GNG10: variants seen among roughly 807,000 people sequenced by gnomAD.
GNG10 encodes the protein guanine nucleotide-binding protein G(I)/G(S)/G(O) subunit gamma-10.
A neutral mutation model predicts 6.8 loss-of-function variants in GNG10; 7 were observed. The observed-to-expected ratio is 1.02, with a 90% CI of 0.58 to 1.92. The LOEUF (loss-of-function observed/expected upper bound fraction) is 1.92, where lower values mean the gene tolerates loss of function less well. GNG10 is among the 30% of genes most tolerant of loss of function. The pLI is 0.00. For synonymous variants in GNG10, 28 were observed against 34.8 expected (o/e 0.80, Z 0.69); for missense variants, 57 against 86.1 (o/e 0.66, Z 1.34).
At chr9:111,664,463 G>C (rs1004948877) in intron 1 of GNG10, among the ~76,000 whole-genome samples, 2 of 152,118 alleles carry the variant, frequency 1.3e-5, no homozygotes, top group African/African-American at 2.4e-5. Flanking sequence ...ATATAATAGA[G>C]GACATCCCTT....
intron 1 of GNG10, among the ~76,000 whole-genome samples, chr9:111,663,030 G>C (rs1184415546): frequency 6.6e-5 from 10 of 152,108 alleles, no homozygotes; most frequent in Non-Finnish European, 1.2e-4. Context: ...GCTACGGGGG[G>C]GTGGGGGATT....
intron 2 of GNG10, among the ~76,000 whole-genome samples, chr9:111,667,645 G>T (rs1830925549): frequency 6.6e-6 from 1 of 152,176 alleles, no homozygotes; most frequent in African/African-American, 2.4e-5. Flanking sequence ...ACTCCCCAGA[G>T]TGGGAGATGT....
chr9:111,662,955 C>A (rs1374661609), intron 1 of GNG10, among the ~76,000 whole-genome samples: 1 of 150,876 alleles, frequency 6.6e-6, no homozygotes, highest in African/African-American at 2.4e-5. Context: ...GAGGAAGTAA[C>A]AAATTATATT....
intron 1 of GNG10, among the ~76,000 whole-genome samples, chr9:111,664,911 A>T (rs138519643): frequency 6.6e-6 from 1 of 152,332 alleles, no homozygotes; most frequent in East Asian, 1.9e-4. Context: ...ACTGGTATAT[A>T]TAACCATTAA....
chr9:111,664,213 G>A lies in GNG10; in HGVS notation c.81+2498G>A, dbSNP rs192603715. Among the ~76,000 whole-genome samples the A allele has an allele frequency of 6.7e-3, 1,026 of 152,176 alleles. 6 individuals carry two copies. The highest frequency in any genetic ancestry group is 0.01 in the Middle Eastern group (3 of 294). ...TAATTCAGGTGAATTGCCTGAGCTCGCAGTAAGCTTATTTACAAATAGGAT... is the reference window on the plus strand; with the variant it reads ...TAATTCAGGTGAATTGCCTGAGCTCACAGTAAGCTTATTTACAAATAGGAT... On this transcript the variant is annotated intron_variant, in intron 1 of 2. Transcript: ENST00000374293.
In GNG10 at chr9:111,661,886, G is replaced by A. The variant is rs1382535232; in HGVS notation, c.81+171G>A. 1.3e-5 allele frequency among the ~76,000 whole-genome samples: 2 copies of A among 151,408 alleles called. No homozygotes were observed. Among genetic ancestry groups the A allele is most frequent in the African/African-American group, 4.8e-5 (2 of 41,338 alleles). ...GAGGGAGGGCGCGGGGCAAGCCGGG[G>A]GCCCGGGCCTGACGGGAGGAAGCCG... is the stretch of plus-strand genomic sequence containing the variant. On this transcript the variant is annotated intron_variant, in intron 1 of 2. Transcript: ENST00000374293. This position sits in a 1 kb window ranked among gnomAD's most constrained non-coding sequence, Gnocchi z 6.1.
intron 1 of GNG10, among the ~76,000 whole-genome samples, chr9:111,662,427 G>A (rs577706714): frequency 6.8e-4 from 103 of 152,160 alleles, no homozygotes; most frequent in Non-Finnish European, 1.4e-3. Flanking sequence ...CAAGGTTTCC[G>A]AGCAAGGCCT....
Position 111,661,873 on chromosome 9 carries a change from G to T in GNG10, c.81+158G>T, listed in dbSNP as rs1445103230. On this transcript the variant is annotated intron_variant, in intron 1 of 2. Transcript: ENST00000374293. The surrounding 1 kb of genome is among the most constrained non-coding windows in gnomAD (Gnocchi z 6.1). Reference sequence around the variant, plus strand: ...TGGGGTCCGCGGTGAGGGAGGGCGCGGGGCAAGCCGGGGGCCCGGGCCTGA... The same window carrying T: ...TGGGGTCCGCGGTGAGGGAGGGCGCTGGGCAAGCCGGGGGCCCGGGCCTGA... Among the ~76,000 whole-genome samples, 1 of 151,272 alleles carries T rather than the reference G, an allele frequency of 6.6e-6. No individual in the cohort carries two copies. Among genetic ancestry groups the T allele is most frequent in the Non-Finnish European group, 1.5e-5 (1 of 67,780 alleles).
chr9:111,662,173 T>C (rs1385398139), intron 1 of GNG10, among the ~76,000 whole-genome samples: 1 of 151,128 alleles, frequency 6.6e-6, no homozygotes, highest in Admixed American at 6.6e-5. Flanking sequence ...CCCGCCGAGG[T>C]AGAGAGGAGG....
Position 111,670,219 on chromosome 9 carries a change from T to C in GNG10, c.*957T>C, listed in dbSNP as rs898919418. 2 of 152,680 alleles carry C rather than the reference T, an allele frequency of 1.3e-5. No individual in the cohort carries two copies. The highest frequency in any genetic ancestry group is 2.9e-5 in the Non-Finnish European group (2 of 68,036). 9.5% of individuals were successfully genotyped at this position (152,680 alleles called of 1,614,324 possible). On this transcript the variant is annotated 3_prime_UTR_variant, in exon 3 of 3. Transcript: ENST00000374293. ...AAGAGCTTGGAAATAAAATTTCTGC[T>C]TAATTAATCATTTTTCTATGACAGC...
At chr9:111,668,777 G>A (rs565215438) in intron 2 of GNG10, among the ~76,000 whole-genome samples, 45 of 152,176 alleles carry the variant, frequency 3.0e-4, no homozygotes, top group Middle Eastern at 3.4e-3. Flanking sequence ...GAGCCACTGC[G>A]CCCGGCCTTA....
rs1037428071 is a variant in GNG10 at position 111,669,926 on chromosome 9, A to G, written c.*664A>G. ...TGCATTAGGCTGCCCCATCGTGTAT[A>G]TAAATGAAGCAGATTTGATTTTTGT... On this transcript the variant is annotated 3_prime_UTR_variant, in exon 3 of 3. Transcript: ENST00000374293. The G allele has an allele frequency of 1.1e-4, 16 of 142,654 alleles. No homozygotes were observed. The highest frequency in any genetic ancestry group is 1.8e-4 in the Non-Finnish European group (12 of 66,440). 8.8% of individuals were successfully genotyped at this position (142,654 alleles called of 1,614,324 possible).
chr9:111,666,895 T>C lies in GNG10; in HGVS notation c.162T>C (p.Ala54=), dbSNP rs772140265. 124 of 1,613,938 alleles carry C rather than the reference T, an allele frequency of 7.7e-5. No individual in the cohort carries two copies. Among genetic ancestry groups the C allele is most frequent in the East Asian group, 8.9e-5 (4 of 44,894 alleles). The part of the protein sequence containing the change: ...CKDALLVGVP[A]GSNPFREPRS... The stretch of plus-strand genomic sequence containing the variant: ...ATGCCCTGCTGGTGGGTGTTCCAGC[T>C]GGAAGTAACCCCTTCCGGGAGCCTA... The change falls in exon 2 of 3, where the codon GCT becomes GCC. Residue 54 remains alanine (A), a synonymous_variant. Coordinates refer to ENST00000374293, the MANE Select transcript of GNG10 (RefSeq NM_001017998.4).
chr9:111,666,668 A>T, intron 1 of GNG10, 147 bp from the exon 2 acceptor site: 1 of 1,270,054 alleles, frequency 7.9e-7, no homozygotes, highest in East Asian at 2.6e-5. Flanking sequence ...TTTGTAGTTC[A>T]AGTATTAGAA....
chr9:111,666,752 A>G, intron 1 of GNG10, 63 bp from the exon 2 acceptor site: 1 of 1,569,936 alleles, frequency 6.4e-7, no homozygotes, highest in Non-Finnish European at 8.7e-7. Context: ...TTTTCAGAAT[A>G]TCCTTGACTG....
chr9:111,666,362 C>T (rs1318422261), intron 1 of GNG10, among the ~76,000 whole-genome samples: 3 of 152,158 alleles, frequency 2.0e-5, no homozygotes, highest in Admixed American at 2.0e-4. Flanking sequence ...GCTATACCGC[C>T]TCAAAAGCAA....
At position 111,661,882 on chromosome 9, in the gene GNG10, CG is replaced by C. The variant is rs1175973463; in HGVS notation, c.81+172del. ...CGGTGAGGGAGGGCGCGGGGCAAGC[CG>C]GGGGCCCGGGCCTGACGGGAGGAAG... On this transcript the variant is annotated intron_variant, in intron 1 of 2. Coordinates refer to ENST00000374293, the MANE Select transcript of GNG10 (RefSeq NM_001017998.4). This position sits in a 1 kb window ranked among gnomAD's most constrained non-coding sequence, Gnocchi z 6.1. Among the ~76,000 whole-genome samples, 1 of 151,126 alleles carries C rather than the reference CG, an allele frequency of 6.6e-6. No homozygotes were observed. Among genetic ancestry groups the C allele is most frequent in the Middle Eastern group, 3.2e-3 (1 of 314 alleles).
chr9:111,661,849 G>A lies in GNG10; in HGVS notation c.81+134G>A. ...GGCCTCGGCGGGGCGCGGGGGCGGT[G>A]GGGTCCGCGGTGAGGGAGGGCGCGG... On this transcript the variant is annotated intron_variant, in intron 1 of 2. Coordinates refer to ENST00000374293, the MANE Select transcript of GNG10 (RefSeq NM_001017998.4). The surrounding 1 kb of genome is among the most constrained non-coding windows in gnomAD (Gnocchi z 6.1). 1 of 342,640 alleles carries A rather than the reference G, an allele frequency of 2.9e-6. No individual in the cohort carries two copies. Among genetic ancestry groups the A allele is most frequent in the Non-Finnish European group, 4.7e-6 (1 of 214,144 alleles). The allele number at this position is 342,640 out of a possible 1,614,324, so 21.2% of individuals were successfully genotyped here.
intron 1 of GNG10, among the ~76,000 whole-genome samples, chr9:111,662,502 G>A (rs1465585147): frequency 6.6e-6 from 1 of 152,150 alleles, no homozygotes; most frequent in Non-Finnish European, 1.5e-5. Flanking sequence ...CAAAAACTGG[G>A]GGCTCAGTCA....
Sources: gnomAD v4.1 joint callset for allele counts (sites outside exome capture counted in the v4.1 genomes callset) on GRCh38, gnomAD v4.1.1 for gene constraint, Gnocchi (gnomAD v3.1) non-coding constraint, MANE v1.5 for transcripts, NCBI Gene and HGNC (gene_info 2026-07-23, HGNC 2026-07-21) for gene names.